Variants in TFEC observed in about 807,000 individuals in gnomAD.
TFEC encodes the protein class E basic helix-loop-helix protein 34.
TFEC carries 31 observed loss-of-function variants against 41.6 expected under a neutral mutation model. The ratio of observed to expected loss-of-function variants is 0.74; its 90% CI spans 0.56 to 1.01. The LOEUF (loss-of-function observed/expected upper bound fraction) is 1.01. Among genes scored for constraint, TFEC ranks in the 50% least tolerant of loss-of-function variants. The pLI, the probability that TFEC is intolerant of heterozygous loss-of-function variation, is 0.00. For missense variants in TFEC, 402 were observed against 404.1 expected, an observed-to-expected ratio of 0.99 and a Z score of 0.04; for synonymous variants, 143 against 140.6, an observed-to-expected ratio of 1.02 and a Z score of -0.12.
intron 3 of TFEC, among the ~76,000 whole-genome samples, chr7:116,100,218 G>A (rs1293843329): frequency 6.6e-6 from 1 of 152,102 alleles, no homozygotes; most frequent in Admixed American, 6.6e-5. Flanking sequence ...ATAGACTGTG[G>A]TCTCTTTTTC....
At chr7:116,001,412 T>C (rs1270778293) in intron 1 of TFEC, among the ~76,000 whole-genome samples, 4 of 151,732 alleles carry the variant, frequency 2.6e-5, no homozygotes, top group Admixed American at 6.6e-5. Flanking sequence ...GGAAAATTGC[T>C]TGAACCCTGG....
intron 1 of TFEC, among the ~76,000 whole-genome samples, chr7:116,017,445 A>G (rs1387778944): frequency 2.6e-5 from 4 of 151,746 alleles, no homozygotes; most frequent in African/African-American, 4.8e-5. Context: ...CTGGTCTCGA[A>G]CTCCTGACCT....
chr7:116,046,370 T>G (rs1796164484), intron 3 of TFEC, among the ~76,000 whole-genome samples: 1 of 152,190 alleles, frequency 6.6e-6, no homozygotes, highest in African/African-American at 2.4e-5. Context: ...TCCTGTGCTA[T>G]TCTCGTGATA....
At chr7:115,967,359 T>C (rs928167522) in intron 3 of TFEC, among the ~76,000 whole-genome samples, 3 of 151,692 alleles carry the variant, frequency 2.0e-5, no homozygotes, top group Non-Finnish European at 4.4e-5. Context: ...AAAGATTAGA[T>C]AGAATAATTG....
chr7:116,158,276 A>T (rs1266843266), intron 1 of TFEC, among the ~76,000 whole-genome samples: 1 of 152,044 alleles, frequency 6.6e-6, no homozygotes, highest in South Asian at 2.1e-4. Context: ...AGTCTTTTTT[A>T]ATGACTATTT....
At chr7:116,065,536 T>A (rs1387491656) in intron 3 of TFEC, among the ~76,000 whole-genome samples, 1 of 152,092 alleles carries the variant, frequency 6.6e-6, no homozygotes, top group East Asian at 1.9e-4. Flanking sequence ...AACTGGGAAG[T>A]CAGTTGATAA....
At chr7:116,096,704 C>T (rs531930725) in intron 3 of TFEC, among the ~76,000 whole-genome samples, 1 of 151,832 alleles carries the variant, frequency 6.6e-6, no homozygotes, top group African/African-American at 2.4e-5. Flanking sequence ...TTTTCATGAG[C>T]TTGTAAAGTC....
At chr7:116,083,870 G>T (rs1392789978) in intron 3 of TFEC, among the ~76,000 whole-genome samples, 1 of 151,872 alleles carries the variant, frequency 6.6e-6, no homozygotes, top group Non-Finnish European at 1.5e-5. Context: ...AAGCTTTGTT[G>T]TAATGTTGTA....
intron 1 of TFEC, among the ~76,000 whole-genome samples, chr7:116,013,481 T>G (rs962556257): frequency 6.6e-6 from 1 of 152,112 alleles, no homozygotes; most frequent in African/African-American, 2.4e-5. Flanking sequence ...ATGGACTAAC[T>G]GAAAGCTTCA....
At chr7:116,079,784 C>T (rs1340899900) in intron 3 of TFEC, among the ~76,000 whole-genome samples, 1 of 151,970 alleles carries the variant, frequency 6.6e-6, no homozygotes, top group Non-Finnish European at 1.5e-5. Context: ...CAATGTAATT[C>T]TCATCAAAAT....
rs376763520 is a variant in TFEC, at chr7:115,964,240, G to A, written c.268-7447C>T. The stretch of plus-strand genomic sequence containing the variant: ...TGGTAATCGTATTATGATTACTGAA[G>A]AATCAAAAGGTACTTTAAACATACT... On this transcript the variant is annotated intron_variant, in intron 3 of 7. Coordinates refer to ENST00000265440, the MANE Select transcript of TFEC (RefSeq NM_012252.4). Among the ~76,000 whole-genome samples, 36 of 151,602 alleles carry A rather than the reference G, an allele frequency of 2.4e-4. 1 individual carries two copies. In the East Asian group the frequency reaches 5.9e-3, roughly 25 times the overall value.
At chr7:116,136,410 C>A (rs1798433886) in intron 1 of TFEC, among the ~76,000 whole-genome samples, 1 of 151,862 alleles carries the variant, frequency 6.6e-6, no homozygotes. Context: ...GTAAATAGAA[C>A]ATAGTGCTAA....
At chr7:116,070,435 C>G (rs573308532) in intron 3 of TFEC, among the ~76,000 whole-genome samples, 1 of 151,278 alleles carries the variant, frequency 6.6e-6, no homozygotes, top group African/African-American at 2.4e-5. Context: ...AACGACTGAA[C>G]CAATAAATTA....
chr7:116,031,722 A>T (rs145895148), upstream of TFEC, among the ~76,000 whole-genome samples: 828 of 152,244 alleles, frequency 5.4e-3, 3 homozygotes, highest in Middle Eastern at 0.01. Context: ...AGAAGTGGAG[A>T]TTATATGAAA....
At chr7:116,002,795 CCT>C (rs1211827865) in intron 1 of TFEC, among the ~76,000 whole-genome samples, 5 of 151,854 alleles carry the variant, frequency 3.3e-5, no homozygotes, top group South Asian at 2.1e-4. Context: ...TAAATGCACC[CCT>C]GTTACATACT....
At chr7:115,942,938 T>C (rs1793578391) in intron 6 of TFEC, among the ~76,000 whole-genome samples, 1 of 152,028 alleles carries the variant, frequency 6.6e-6, no homozygotes, top group South Asian at 2.1e-4. Context: ...TGGATACATT[T>C]TGAATTTAGA....
intron 1 of TFEC, among the ~76,000 whole-genome samples, chr7:116,011,360 C>T (rs1031202725): frequency 1.3e-5 from 2 of 152,094 alleles, no homozygotes; most frequent in Admixed American, 6.5e-5. Context: ...TTCATGACCT[C>T]ATAAGGTGTC....
intron 3 of TFEC, among the ~76,000 whole-genome samples, chr7:115,958,545 A>G (rs934523938): frequency 5.9e-5 from 9 of 151,910 alleles, no homozygotes; most frequent in African/African-American, 2.2e-4. Flanking sequence ...GGCAAGTTGC[A>G]GAAATGTTAA....
chr7:116,110,941 GGAA>G (rs1291652586), intron 2 of TFEC: 1 of 1,411,052 alleles, frequency 7.1e-7, no homozygotes, highest in African/African-American at 1.5e-5. Flanking sequence ...TAGTGGATTT[GGAA>G]AAAAAGGAGC....
Sources: gnomAD v4.1 joint callset for allele counts (sites outside exome capture counted in the v4.1 genomes callset) on GRCh38, gnomAD v4.1.1 for gene constraint, MANE v1.5 for transcripts, NCBI Gene and HGNC (gene_info 2026-07-23, HGNC 2026-07-21) for gene names.